The following INPP4A variants were observed in gnomAD, a reference collection of about 807,000 sequenced individuals.
INPP4A encodes inositol polyphosphate-4-phosphatase type I A.
Under a neutral mutation model 119.8 loss-of-function variants are expected in INPP4A, and 33 were observed. The observed-to-expected ratio is 0.28, with a 90% CI of 0.21 to 0.37. INPP4A has a LOEUF of 0.37. Ranked by LOEUF, INPP4A falls within the 10% of genes least tolerant of loss-of-function variation. The pLI, the probability that INPP4A is intolerant of heterozygous loss-of-function variation, is 1.00. For synonymous variants in INPP4A, 496 were observed against 500.7 expected (o/e 0.99, Z 0.12); for missense variants, 956 against 1,289.9 (o/e 0.74, Z 3.97).
intron 18 of INPP4A, 60 bp downstream of exon 18, chr2:98,563,697 G>A: frequency 6.5e-7 from 1 of 1,541,570 alleles, no homozygotes. Flanking sequence ...GAAAAGACAG[G>A]CTTAGGAAGC....
rs368557933 is a variant in INPP4A, at chr2:98,542,872, G to T, written c.819-1005G>T. Among the ~76,000 whole-genome samples the T allele has an allele frequency of 2.4e-4, 36 of 151,468 alleles. 1 individual carries two copies. The highest frequency in any genetic ancestry group is 1.2e-3 in the East Asian group (6 of 5,168). ...AGCACACACATAAAGACAAGGTCAGGCCTGATTTCATCCACAGTGACACAG... is the reference window on the plus strand; with the variant it reads ...AGCACACACATAAAGACAAGGTCAGTCCTGATTTCATCCACAGTGACACAG... On this transcript the variant is annotated intron_variant, in intron 10 of 24. Coordinates refer to ENST00000409851, the MANE Select transcript of INPP4A (RefSeq NM_001134225.2).
At chr2:98,551,823 ACTT>A (rs1268259957) in intron 13 of INPP4A, among the ~76,000 whole-genome samples, 2 of 152,236 alleles carry the variant, frequency 1.3e-5, no homozygotes, top group African/African-American at 4.8e-5. Flanking sequence ...GGTGGCTTGT[ACTT>A]CTTCCTGCTT....
Position 98,581,454 on chromosome 2 carries a change from T to C in INPP4A, c.2786+4311T>C, listed in dbSNP as rs187649552. The C allele has an allele frequency of 6.2e-4, 611 of 983,184 alleles. 6 individuals carry two copies. The African/African-American group carries it at 9.8e-3, about 16-fold the overall frequency. The allele number at this position is 983,184 out of a possible 1,614,324, so 60.9% of individuals were successfully genotyped here. On this transcript the variant is annotated intron_variant, in intron 24 of 24. Transcript: ENST00000409851. Reference sequence around the variant, plus strand: ...TTTCATTTTTTTTTAACCTTATCTTTTGTTTCTCTTGTTTATCCCATCCTT... The same window carrying C: ...TTTCATTTTTTTTTAACCTTATCTTCTGTTTCTCTTGTTTATCCCATCCTT...
At chr2:98,573,294 C>T (rs1697810363) in intron 23 of INPP4A, among the ~76,000 whole-genome samples, 1 of 152,230 alleles carries the variant, frequency 6.6e-6, no homozygotes, top group Admixed American at 6.5e-5. Context: ...TTTAAACCAT[C>T]TTTATCGTCC....
At position 98,589,245 on chromosome 2, in the gene INPP4A, A is replaced by C. The variant is rs1700203122; in HGVS notation, c.*1637A>C. Reference sequence around the variant, plus strand: ...AGCTCCTGCCCGCCAAACCCACTGCACAGGTGGCTGCTGCTGGTATCAGAT... The same window carrying C: ...AGCTCCTGCCCGCCAAACCCACTGCCCAGGTGGCTGCTGCTGGTATCAGAT... On this transcript the variant is annotated 3_prime_UTR_variant, in exon 25 of 25. Transcript: ENST00000409851. 5.5e-6 allele frequency: 1 copy of C among 183,048 alleles called. No individual in the cohort carries two copies. The highest frequency in any genetic ancestry group is 8.9e-5 in the East Asian group (1 of 11,204). 11.3% of individuals were successfully genotyped at this position (183,048 alleles called of 1,614,324 possible).
At chr2:98,468,661 G>A (rs932777751) in intron 1 of INPP4A, among the ~76,000 whole-genome samples, 3 of 152,158 alleles carry the variant, frequency 2.0e-5, no homozygotes, top group Non-Finnish European at 2.9e-5. Context: ...CTCATTCTAA[G>A]AACTGTGGCA....
chr2:98,579,593 A>G (rs1046491652), intron 24 of INPP4A, among the ~76,000 whole-genome samples: 7 of 152,238 alleles, frequency 4.6e-5, no homozygotes, highest in Admixed American at 1.3e-4. Context: ...GGCACTGCCC[A>G]TGCCGGGCGC....
At chr2:98,549,540 G>A (rs1332958678) in intron 13 of INPP4A, among the ~76,000 whole-genome samples, 1 of 152,090 alleles carries the variant, frequency 6.6e-6, no homozygotes, top group Admixed American at 6.5e-5. Context: ...TAGAAACCAC[G>A]GTGTCTGCTG....
At chr2:98,503,337 G>A (rs1683472992) in intron 1 of INPP4A, among the ~76,000 whole-genome samples, 1 of 152,216 alleles carries the variant, frequency 6.6e-6, no homozygotes, top group Non-Finnish European at 1.5e-5. Context: ...GTGGTCTGGT[G>A]TTAAAGGATC....
intron 1 of INPP4A, among the ~76,000 whole-genome samples, chr2:98,451,065 C>G (rs1299820514): frequency 2.6e-5 from 4 of 152,200 alleles, no homozygotes; most frequent in African/African-American, 9.6e-5. Context: ...GCCACTGCAC[C>G]CGGCCTTAGC....
Position 98,590,954 on chromosome 2 carries a change from T to G in INPP4A, c.*3346T>G. The stretch of plus-strand genomic sequence containing the variant: ...AACATCTTTTATACCTTTATGATAT[T>G]TCTATGTTTGTGACTTCATTGGAAT... On this transcript the variant is annotated 3_prime_UTR_variant, in exon 25 of 25. Coordinates refer to ENST00000409851, the MANE Select transcript of INPP4A (RefSeq NM_001134225.2). 1 of 231,548 alleles carries G rather than the reference T, an allele frequency of 4.3e-6. No homozygotes were observed. Among genetic ancestry groups the G allele is most frequent in the East Asian group, 6.1e-5 (1 of 16,306 alleles). The allele number at this position is 231,548 out of a possible 1,614,324, so 14.3% of individuals were successfully genotyped here. A position where few individuals can be genotyped will look rare whatever the true frequency, so the allele number is the denominator to read the frequency against.
At chr2:98,493,847 G>C (rs1681363269) in intron 1 of INPP4A, among the ~76,000 whole-genome samples, 1 of 152,188 alleles carries the variant, frequency 6.6e-6, no homozygotes, top group African/African-American at 2.4e-5. Context: ...TAAGAATAAA[G>C]AAATTAAGAT....
intron 24 of INPP4A, 40 bp downstream of exon 24, chr2:98,577,183 G>A (rs1454339120): frequency 2.0e-6 from 3 of 1,536,606 alleles, no homozygotes; most frequent in Non-Finnish European, 2.6e-6. Context: ...GCCTGCCCCG[G>A]CCCGTGTAAA....
chr2:98,545,823 G>A (rs1186741713), intron 11 of INPP4A, 146 bp from the exon 12 acceptor site: 2 of 583,288 alleles, frequency 3.4e-6, no homozygotes, highest in Admixed American at 3.3e-5. Flanking sequence ...AATGAAATGT[G>A]CTCATGGCAA....
intron 24 of INPP4A, among the ~76,000 whole-genome samples, chr2:98,582,833 T>TCAAACAGAAAGATCGCCTACTGCATACAC (rs1699513460): frequency 6.9e-6 from 1 of 144,986 alleles, no homozygotes; most frequent in Non-Finnish European, 1.5e-5. Flanking sequence ...AGTGCATAAG[T>TCAAACAGAAAGATCGCCTACTGCATACAC]CAGACACAGA....
At chr2:98,454,190 G>C (rs1301361888) in intron 1 of INPP4A, among the ~76,000 whole-genome samples, 1 of 152,230 alleles carries the variant, frequency 6.6e-6, no homozygotes, top group Non-Finnish European at 1.5e-5. Context: ...GAGAGAGAGA[G>C]AGTCTCCTTG....
chr2:98,458,879 C>T (rs889148591), intron 1 of INPP4A, among the ~76,000 whole-genome samples: 6 of 152,174 alleles, frequency 3.9e-5, no homozygotes, highest in Non-Finnish European at 7.3e-5. Flanking sequence ...AGAAGTACAG[C>T]GGAGGCGAAG....
At chr2:98,580,957 A>C (rs1699208959) in intron 24 of INPP4A, among the ~76,000 whole-genome samples, 1 of 152,236 alleles carries the variant, frequency 6.6e-6, no homozygotes, top group Non-Finnish European at 1.5e-5. Context: ...TAACTTGCAA[A>C]GATGGAAACA....
Position 98,527,127 on chromosome 2 carries a change from T to C in INPP4A, c.152-6250T>C, listed in dbSNP as rs143663996. 5.9e-3 allele frequency among the ~76,000 whole-genome samples: 901 copies of C among 152,264 alleles called. 9 individuals carry two copies. Among genetic ancestry groups the C allele is most frequent in the African/African-American group, 0.021 (867 of 41,548 alleles). On this transcript the variant is annotated intron_variant, in intron 4 of 24. Coordinates refer to ENST00000409851, the MANE Select transcript of INPP4A (RefSeq NM_001134225.2). ...TTAACTTGCCCTGTTGCTATCGTCC[T>C]CTCTCTAGCTCCAAGTAGACTTTAA...
Sources: gnomAD v4.1 joint callset for allele counts (sites outside exome capture counted in the v4.1 genomes callset) on GRCh38, gnomAD v4.1.1 for gene constraint, MANE v1.5 for transcripts, NCBI Gene and HGNC (gene_info 2026-07-23, HGNC 2026-07-21) for gene names.